The following PRKCH variants were observed in gnomAD, a reference collection of about 807,000 sequenced individuals.
The protein encoded by PRKCH is protein kinase C eta type.
A neutral mutation model predicts 82.5 loss-of-function variants in PRKCH; 28 were observed. That is an observed-to-expected ratio of 0.34 (90% CI 0.25 to 0.47). The LOEUF (loss-of-function observed/expected upper bound fraction) is 0.47. Ranked by LOEUF, PRKCH falls within the 20% of genes least tolerant of loss-of-function variation. The probability of loss-of-function intolerance (pLI) is 1.00; values close to 1 mark genes in which losing one functional copy is unlikely to be tolerated. For synonymous variants in PRKCH, 322 were observed against 327.4 expected (o/e 0.98, Z 0.18); for missense variants, 705 against 881.8 (o/e 0.80, Z 2.54).
rs115342108 is a variant in PRKCH at position 61,215,732 on chromosome 14, C to T, written c.-19+28064C>T. Among the ~76,000 whole-genome samples, 1,395 of 152,270 alleles carry T rather than the reference C, an allele frequency of 9.2e-3. 15 individuals are homozygous for T. Among genetic ancestry groups the T allele is most frequent in the African/African-American group, 0.028 (1,167 of 41,544 alleles). ...CTCCCTTTCAGGGCTTGCCATGTTT[C>T]GATAGAAGAGTACGACCCTGCTATA... On this transcript the variant is annotated intron_variant, in intron 1 of 3. Coordinates refer to the PRKCH transcript ENST00000555185.
chr14:61,538,696 A>G (rs116862758), intron 12 of PRKCH, among the ~76,000 whole-genome samples: 3,396 of 152,306 alleles, frequency 0.022, 68 homozygotes, highest in Non-Finnish European at 0.032. Context: ...TGGGTCAGAA[A>G]AGCTTTTTGT....
upstream of PRKCH, among the ~76,000 whole-genome samples, chr14:61,320,319 G>T (rs1311711456): frequency 1.3e-5 from 2 of 152,078 alleles, no homozygotes; most frequent in African/African-American, 2.4e-5. Context: ...CCTAGGCTTG[G>T]CTGGGTGCTG....
chr14:61,256,016 A>G (rs1338565179), intron 1 of PRKCH, among the ~76,000 whole-genome samples: 1 of 152,178 alleles, frequency 6.6e-6, no homozygotes, highest in African/African-American at 2.4e-5. Context: ...CCTAGTGCAT[A>G]AAGTTTAGTG....
intron 2 of PRKCH, among the ~76,000 whole-genome samples, chr14:61,430,635 C>G (rs994886664): frequency 2.0e-5 from 3 of 152,180 alleles, no homozygotes; most frequent in Non-Finnish European, 4.4e-5. Context: ...GTCAGGCAAC[C>G]ATCAGGTGAT....
chr14:61,352,632 TC>T (rs1289308883), intron 1 of PRKCH, among the ~76,000 whole-genome samples: 3 of 136,274 alleles, frequency 2.2e-5, no homozygotes, highest in Non-Finnish European at 3.1e-5. Flanking sequence ...AGAGCGAGAC[TC>T]CATCTCAAAA....
chr14:61,228,281 T>C (rs2044713508), intron 1 of PRKCH, among the ~76,000 whole-genome samples: 1 of 152,218 alleles, frequency 6.6e-6, no homozygotes, highest in Admixed American at 6.5e-5. Flanking sequence ...AAAGTTGAAG[T>C]GTAGAAGACA....
chr14:61,366,786 C>T (rs2046301777), intron 1 of PRKCH, among the ~76,000 whole-genome samples: 1 of 152,056 alleles, frequency 6.6e-6, no homozygotes, highest in Non-Finnish European at 1.5e-5. Context: ...AGGCTTGCTT[C>T]AGTGGCCAGA....
At chr14:61,532,738 T>A (rs2043056194) in intron 12 of PRKCH, among the ~76,000 whole-genome samples, 1 of 152,188 alleles carries the variant, frequency 6.6e-6, no homozygotes, top group Non-Finnish European at 1.5e-5. Context: ...AGATACACTG[T>A]CCAGTAATAG....
At chr14:61,523,073 C>T (rs2042925161) in intron 10 of PRKCH, among the ~76,000 whole-genome samples, 1 of 152,180 alleles carries the variant, frequency 6.6e-6, no homozygotes, top group African/African-American at 2.4e-5. Flanking sequence ...AAGACCATAA[C>T]CCACATTCAC....
At chr14:61,416,053 C>CTTTTTTTTTTTTTTT (rs71117815) in intron 2 of PRKCH, among the ~76,000 whole-genome samples, 7 of 94,186 alleles carry the variant, frequency 7.4e-5, no homozygotes, top group South Asian at 3.8e-4. Context: ...CTTTTCTTTT[C>CTTTTTTTTTTTTTTT]TTTTTTTTTT....
intron 1 of PRKCH, among the ~76,000 whole-genome samples, chr14:61,350,624 C>T (rs183546697): frequency 6.6e-6 from 1 of 152,244 alleles, no homozygotes; most frequent in East Asian, 1.9e-4. Flanking sequence ...GAATATCCCC[C>T]CTCCCCCATG....
upstream of PRKCH, chr14:61,187,552 C>G (rs1319837579): frequency 6.6e-6 from 1 of 152,396 alleles, no homozygotes; most frequent in Non-Finnish European, 1.5e-5. Context: ...CTGCGAGCTT[C>G]CTCTTCAGAA....
chr14:61,459,258 G>A (rs755158258), intron 9 of PRKCH, among the ~76,000 whole-genome samples: 16 of 152,210 alleles, frequency 1.1e-4, no homozygotes, highest in East Asian at 1.9e-4. Flanking sequence ...CCACGAGAGC[G>A]GGATAGGGGC....
At chr14:61,320,626 A>C (rs1428956347), upstream of PRKCH, among the ~76,000 whole-genome samples, 1 of 115,662 alleles carries the variant, frequency 8.6e-6, no homozygotes, top group Non-Finnish European at 2.1e-5. Flanking sequence ...ACAACAACAA[A>C]AAGTGGCCTA....
At chr14:61,536,134 C>T (rs1262523832) in intron 12 of PRKCH, among the ~76,000 whole-genome samples, 1 of 152,140 alleles carries the variant, frequency 6.6e-6, no homozygotes, top group Non-Finnish European at 1.5e-5. Context: ...GGCCACATCT[C>T]TTAAATCCAG....
At chr14:61,520,595 T>C (rs1422506434) in intron 10 of PRKCH, among the ~76,000 whole-genome samples, 2 of 152,248 alleles carry the variant, frequency 1.3e-5, no homozygotes, top group African/African-American at 2.4e-5. Context: ...TTAAACCATG[T>C]GAATAGGCAA....
intron 2 of PRKCH, among the ~76,000 whole-genome samples, chr14:61,436,702 T>C (rs1883695682): frequency 1.3e-5 from 2 of 152,176 alleles, no homozygotes; most frequent in Non-Finnish European, 2.9e-5. Context: ...CTGGCTAATT[T>C]TTGTATTTTT....
At chr14:61,188,433 TC>T (rs763914906) in intron 1 of PRKCH, among the ~76,000 whole-genome samples, 8 of 151,984 alleles carry the variant, frequency 5.3e-5, no homozygotes, top group Non-Finnish European at 8.8e-5. Context: ...TGGCTCCGGC[TC>T]CGGCTCCGGG....
chr14:61,236,343 T>A (rs574226050), intron 1 of PRKCH, among the ~76,000 whole-genome samples: 4 of 152,224 alleles, frequency 2.6e-5, no homozygotes, highest in Admixed American at 2.6e-4. Flanking sequence ...GCATTCTAAG[T>A]CACAGGATGA....
Sources: allele counts gnomAD v4.1 joint callset (sites outside exome capture counted in the v4.1 genomes callset), GRCh38; gene constraint gnomAD v4.1.1; transcripts MANE v1.5; gene names NCBI Gene and HGNC (gene_info 2026-07-23, HGNC 2026-07-21).